Variants in NIN observed in about 807,000 individuals in gnomAD.
NIN encodes ninein.
In NIN, 137 loss-of-function variants were observed where a neutral mutation model predicts 257.6. The observed-to-expected ratio is 0.53, with a 90% CI of 0.46 to 0.61. The LOEUF is 0.61. Ranked by LOEUF, NIN falls within the 20% of genes least tolerant of loss-of-function variation. NIN has a pLI of 0.00. For synonymous variants in NIN, 918 were observed against 919.8 expected, an observed-to-expected ratio of 1.00 and a Z score of 0.04; for missense variants, 2,439 against 2,501.2, an observed-to-expected ratio of 0.98 and a Z score of 0.53.
chr14:50,731,891 C>A (rs1476608585), intron 28 of NIN, among the ~76,000 whole-genome samples: 2 of 152,168 alleles, frequency 1.3e-5, no homozygotes, highest in African/African-American at 4.8e-5. Context: ...AAATCTCTTG[C>A]CACTTGGAGA....
intron 13 of NIN, 39 bp downstream of exon 13, chr14:50,766,741 T>G (rs1222887124): frequency 2.9e-6 from 4 of 1,383,634 alleles, no homozygotes; most frequent in Non-Finnish European, 4.1e-6. Flanking sequence ...CTACATAAAG[T>G]AGGCTGCCTA....
chr14:50,725,614 A>T (rs1332659076), intron 30 of NIN, among the ~76,000 whole-genome samples: 1 of 151,924 alleles, frequency 6.6e-6, no homozygotes, highest in Non-Finnish European at 1.5e-5. Context: ...ATTCACAGGG[A>T]CCTAAAGCAT....
intron 2 of NIN, among the ~76,000 whole-genome samples, chr14:50,826,336 G>A (rs1028009100): frequency 7.9e-5 from 12 of 152,156 alleles, no homozygotes; most frequent in African/African-American, 2.9e-4. Flanking sequence ...ACCAGTATGG[G>A]CAATATTTTG....
intron 5 of NIN, among the ~76,000 whole-genome samples, chr14:50,779,518 G>C (rs2043044371): frequency 6.6e-6 from 1 of 152,172 alleles, no homozygotes; most frequent in Non-Finnish European, 1.5e-5. Flanking sequence ...CAGCACTTTG[G>C]GAGGCCGAGG....
chr14:50,771,036 G>T, intron 10 of NIN, 44 bp from the exon 11 acceptor site: 1 of 1,591,652 alleles, frequency 6.3e-7, no homozygotes, highest in South Asian at 1.1e-5. Context: ...CTGTTTCTAA[G>T]CAACAAGTAG....
chr14:50,759,798 A>C, intron 17 of NIN, 59 bp downstream of exon 17: 1 of 1,528,860 alleles, frequency 6.5e-7, no homozygotes, highest in Admixed American at 2.1e-5. Flanking sequence ...CACAACTGGC[A>C]CTTCTAATGC....
intron 23 of NIN, among the ~76,000 whole-genome samples, chr14:50,744,008 TAAG>T (rs1286591756): frequency 2.6e-5 from 4 of 152,236 alleles, no homozygotes; most frequent in Non-Finnish European, 5.9e-5. Flanking sequence ...TGTGATGTGA[TAAG>T]AAACATTTTG....
At chr14:50,771,629 G>T (rs1292210940) in intron 9 of NIN, among the ~76,000 whole-genome samples, 161 bp from the exon 10 acceptor site, 1 of 151,816 alleles carries the variant, frequency 6.6e-6, no homozygotes, top group Non-Finnish European at 1.5e-5. Context: ...CATCAGTCTA[G>T]AACACAGTTA....
At chr14:50,795,447 A>G (rs1346706912) in intron 4 of NIN, among the ~76,000 whole-genome samples, 1 of 152,230 alleles carries the variant, frequency 6.6e-6, no homozygotes, top group Admixed American at 6.5e-5. Context: ...TCTCCTCATC[A>G]ATCTCAATCA....
rs2042052378 is a variant in NIN at position 50,756,921 on chromosome 14, A to G, written c.4109T>C (p.Leu1370Pro). The change falls in exon 18 of 31, where the codon CTG becomes CCG. Residue 1370 changes from leucine to proline, a missense_variant. Physicochemically the swap from Leu to Pro is moderately conservative, Grantham distance 98. Transcript: ENST00000530997. Reference sequence around the variant, plus strand: ...CCTAACCCTGGGCACACACTCTTCCAGTGTCTGATTGAGCTGGAGTATATT... The same window carrying G: ...CCTAACCCTGGGCACACACTCTTCCGGTGTCTGATTGAGCTGGAGTATATT... ...DGNILQLNQT[L>P]EECVPRVRSV... 3 of 1,567,416 alleles carry G rather than the reference A, an allele frequency of 1.9e-6. No homozygotes were observed. Among genetic ancestry groups the G allele is most frequent in the Non-Finnish European group, 2.6e-6 (3 of 1,154,408 alleles).
chr14:50,724,434 G>A (rs1257811348), intron 30 of NIN, among the ~76,000 whole-genome samples: 1 of 152,118 alleles, frequency 6.6e-6, no homozygotes. Context: ...AAAGGGCAGG[G>A]ATAAGGATGA....
At chr14:50,770,766 T>C in intron 11 of NIN, 86 bp downstream of exon 11, 2 of 1,474,316 alleles carry the variant, frequency 1.4e-6, no homozygotes, top group Non-Finnish European at 1.8e-6. Flanking sequence ...GAGTCCCCAG[T>C]GCACTGTTCT....
At chr14:50,724,951 G>A (rs543486825) in intron 30 of NIN, among the ~76,000 whole-genome samples, 1 of 152,264 alleles carries the variant, frequency 6.6e-6, no homozygotes, top group Non-Finnish European at 1.5e-5. Flanking sequence ...CCTACCATTT[G>A]GCCAAACGCT....
intron 4 of NIN, among the ~76,000 whole-genome samples, chr14:50,804,627 C>A (rs1191980658): frequency 2.0e-5 from 3 of 152,172 alleles, no homozygotes; most frequent in African/African-American, 4.8e-5. Context: ...TATGAAACCA[C>A]CATCTGGAGC....
chr14:50,800,467 A>G (rs2044048811), intron 4 of NIN, among the ~76,000 whole-genome samples: 1 of 152,220 alleles, frequency 6.6e-6, no homozygotes, highest in Non-Finnish European at 1.5e-5. Context: ...GAAACATTTC[A>G]TATTTTTGGA....
intron 29 of NIN, chr14:50,727,783 C>T (rs1300652134): frequency 7.1e-7 from 1 of 1,416,186 alleles, no homozygotes; most frequent in African/African-American, 1.4e-5. Context: ...TACACTTCAC[C>T]CTCATGTCAG....
chr14:50,787,083 C>T (rs1446178111), intron 5 of NIN, among the ~76,000 whole-genome samples: 2 of 152,180 alleles, frequency 1.3e-5, no homozygotes, highest in East Asian at 3.8e-4. Flanking sequence ...CTCTCAGGTC[C>T]TCACTTAAAC....
chr14:50,729,444 C>T, intron 29 of NIN, 79 bp downstream of exon 29: 1 of 1,373,724 alleles, frequency 7.3e-7, no homozygotes, highest in Non-Finnish European at 9.9e-7. Flanking sequence ...TTCTTTCTCT[C>T]CACCTTTGAA....
chr14:50,777,085 G>C lies in NIN; in HGVS notation c.530C>G (p.Ser177Cys), dbSNP rs1048546941. Residue 177 changes from serine (S) to cysteine (C), a missense_variant, in exon 7 of 31, where the codon TCC becomes TGC. Ser to Cys is a moderately radical substitution (Grantham distance 112). Transcript: ENST00000530997. ...DDLNASQSGS[S>C]PPQDWIEEKL... ...CTCTTCTATCCAGTCTTGGGGAGGG[G>C]AAGATCCACTCTGTGAAGCATTCAA... 3.7e-6 allele frequency: 6 copies of C among 1,614,080 alleles called. No individual in the cohort carries two copies. Among genetic ancestry groups the C allele is most frequent in the Non-Finnish European group, 5.1e-6 (6 of 1,179,980 alleles).
Sources: gnomAD v4.1 joint callset for allele counts (sites outside exome capture counted in the v4.1 genomes callset) on GRCh38, gnomAD v4.1.1 for gene constraint, MANE v1.5 for transcripts, NCBI Gene and HGNC (gene_info 2026-07-23, HGNC 2026-07-21) for gene names.